The following CASK variants were observed in gnomAD, a reference collection of about 807,000 sequenced individuals.
CASK encodes peripheral plasma membrane protein CASK.
CASK carries 4 observed loss-of-function variants against 82.9 expected under a neutral mutation model. That is an observed-to-expected ratio of 0.05 (90% CI 0.02 to 0.11). CASK has a LOEUF of 0.11. CASK is among the 10% of genes least tolerant of loss of function. The probability of loss-of-function intolerance (pLI) is 1.00; values close to 1 mark genes in which losing one functional copy is unlikely to be tolerated. For synonymous variants in CASK, 259 were observed against 253.5 expected (o/e 1.02, Z -0.20); for missense variants, 358 against 720.9 (o/e 0.50, Z 5.76).
chrX:41,535,591 T>C (rs765633350), intron 22 of CASK, among the ~76,000 whole-genome samples: 2 of 110,522 alleles, frequency 1.8e-5, no homozygotes, highest in South Asian at 7.8e-4. Context: ...AACCCAGATA[T>C]CCACTCAATG....
chrX:41,562,466 G>A (rs1441342229), intron 16 of CASK: 1 of 111,827 alleles, frequency 8.9e-6, no homozygotes, highest in South Asian at 3.7e-4. Context: ...TTATAAAAAC[G>A]ATTAAAGTGC....
chrX:41,612,312 G>A (rs1461749821), intron 11 of CASK, among the ~76,000 whole-genome samples: 2 of 107,441 alleles, frequency 1.9e-5, no homozygotes, highest in South Asian at 4.1e-4. Flanking sequence ...CTGCCCCGCC[G>A]CCCCGTCTGG....
intron 5 of CASK, among the ~76,000 whole-genome samples, chrX:41,704,552 T>C (rs955463297): frequency 9.0e-6 from 1 of 111,456 alleles, no homozygotes; most frequent in Non-Finnish European, 1.9e-5. Context: ...CACTAGGAGA[T>C]GAGGGAAAAT....
At position 41,887,296 on chromosome X, in the gene CASK, C is replaced by CCACACACACA. The variant is rs3055225; in HGVS notation, c.60-34079_60-34070dup. ...TATCTTTCTTTTAGGCTAGTTGAGT[C>CCACACACACA]CACACACACACACACACACACACAC... On this transcript the variant is annotated intron_variant, in intron 1 of 26. Transcript: ENST00000378163. 6.9e-3 allele frequency among the ~76,000 whole-genome samples: 574 copies of CCACACACACA among 83,498 alleles called. 3 individuals carry two copies. Among genetic ancestry groups the CCACACACACA allele is most frequent in the Non-Finnish European group, 0.012 (497 of 42,647 alleles). The allele number at this position is 83,498 out of a possible 115,157, so 72.5% of individuals were successfully genotyped here.
At chrX:41,916,405 AG>A (rs916416359) in intron 1 of CASK, among the ~76,000 whole-genome samples, 2 of 111,882 alleles carry the variant, frequency 1.8e-5, no homozygotes, top group African/African-American at 6.5e-5. Flanking sequence ...CAGGACAGAA[AG>A]GAAGGAGAGC....
At chrX:41,723,878 C>G (rs2068208900) in intron 5 of CASK, among the ~76,000 whole-genome samples, 1 of 112,257 alleles carries the variant, frequency 8.9e-6, no homozygotes, top group Admixed American at 9.5e-5. Flanking sequence ...TATTGGGTTA[C>G]TACAGAGTGG....
chrX:41,578,862 G>A (rs761829422), intron 14 of CASK, among the ~76,000 whole-genome samples: 1 of 112,156 alleles, frequency 8.9e-6, no homozygotes, highest in Non-Finnish European at 1.9e-5. Context: ...AACATAAAGT[G>A]TGTAATATCG....
chrX:41,898,214 T>C (rs1019313941), intron 1 of CASK, among the ~76,000 whole-genome samples: 24 of 111,843 alleles, frequency 2.1e-4, no homozygotes, highest in Non-Finnish European at 1.7e-4. Flanking sequence ...GTATTTTTAG[T>C]AATTTGTCAA....
In CASK at chrX:41,857,751, A is replaced by AC. The variant is rs781584070; in HGVS notation, c.60-4525dup. On this transcript the variant is annotated intron_variant, in intron 1 of 26. Transcript: ENST00000378163. ...TAAGGAGCTCAAATTAAAAGGACCCACCAAGTACTCAGCAAAATAAATGAC... is the reference window on the plus strand; with the variant it reads ...TAAGGAGCTCAAATTAAAAGGACCCACCCAAGTACTCAGCAAAATAAATGAC... Among the ~76,000 whole-genome samples, 3 of 112,383 alleles carry AC rather than the reference A, an allele frequency of 2.7e-5. No individual in the cohort carries two copies. In the South Asian group the frequency reaches 1.1e-3, roughly 41 times the overall value.
At chrX:41,679,004 C>T (rs1171505529) in intron 5 of CASK, among the ~76,000 whole-genome samples, 1 of 110,041 alleles carries the variant, frequency 9.1e-6, no homozygotes, top group Non-Finnish European at 1.9e-5. Context: ...AGGAGGATCA[C>T]TGGAGCCTGG....
At chrX:41,628,069 A>G (rs1392230337) in intron 9 of CASK, among the ~76,000 whole-genome samples, 1 of 112,517 alleles carries the variant, frequency 8.9e-6, no homozygotes, top group Non-Finnish European at 1.9e-5. Context: ...GTCATAATGT[A>G]TTAATGAAAG....
At chrX:41,647,211 C>T (rs982809154) in intron 8 of CASK, among the ~76,000 whole-genome samples, 2 of 112,445 alleles carry the variant, frequency 1.8e-5, no homozygotes, top group African/African-American at 3.2e-5. Context: ...TCTCGAACAT[C>T]GCATTGCAAA....
At chrX:41,891,037 G>A (rs2072159025) in intron 1 of CASK, among the ~76,000 whole-genome samples, 1 of 108,243 alleles carries the variant, frequency 9.2e-6, no homozygotes. Flanking sequence ...ACAGGTGCGT[G>A]CCACCACACC....
At chrX:41,764,221 T>C (rs763976206) in intron 3 of CASK, among the ~76,000 whole-genome samples, 2 of 111,277 alleles carry the variant, frequency 1.8e-5, no homozygotes, top group East Asian at 5.7e-4. Context: ...TTTTTTTTTC[T>C]GGCTTCTGCA....
At chrX:41,525,266 A>G (rs1203405246) in intron 25 of CASK, among the ~76,000 whole-genome samples, 1 of 111,246 alleles carries the variant, frequency 9.0e-6, no homozygotes, top group Non-Finnish European at 1.9e-5. Context: ...CCTATGCTTA[A>G]CCTCTTCAGC....
At chrX:41,714,865 G>A (rs756863043) in intron 5 of CASK, among the ~76,000 whole-genome samples, 1 of 112,024 alleles carries the variant, frequency 8.9e-6, no homozygotes, top group African/African-American at 3.2e-5. Context: ...AATGGAAATG[G>A]TTTATACAGG....
intron 9 of CASK, among the ~76,000 whole-genome samples, chrX:41,629,859 T>C (rs544470591): frequency 4.5e-5 from 5 of 112,284 alleles, no homozygotes; most frequent in African/African-American, 1.6e-4. Flanking sequence ...AGCAATAATG[T>C]AATACAACAA....
At chrX:41,597,461 T>C (rs1011429784) in intron 12 of CASK, among the ~76,000 whole-genome samples, 2 of 112,788 alleles carry the variant, frequency 1.8e-5, no homozygotes, top group East Asian at 5.5e-4. Context: ...TGAATGTGTC[T>C]GTGATGATCC....
chrX:41,760,000 T>C (rs2068972548), intron 3 of CASK, among the ~76,000 whole-genome samples: 1 of 111,849 alleles, frequency 8.9e-6, no homozygotes, highest in Non-Finnish European at 1.9e-5. Context: ...ATCAATGTTG[T>C]TTGACAATGG....
Sources: gnomAD v4.1 joint callset for allele counts (sites outside exome capture counted in the v4.1 genomes callset) on GRCh38, gnomAD v4.1.1 for gene constraint, MANE v1.5 for transcripts, NCBI Gene and HGNC (gene_info 2026-07-23, HGNC 2026-07-21) for gene names.